Variants in CUBN observed in about 807,000 individuals in gnomAD.
CUBN encodes cubilin, also known as 460 kDa receptor.
Under a neutral mutation model 405.3 loss-of-function variants are expected in CUBN, and 282 were observed. The observed-to-expected ratio is 0.70, with a 90% CI of 0.63 to 0.77. The LOEUF is 0.77. CUBN is among the 30% of genes least tolerant of loss of function. CUBN has a pLI of 0.00. For synonymous variants in CUBN, 1,684 were observed against 1,617.0 expected (o/e 1.04, Z -0.99); for missense variants, 4,514 against 4,475.2 (o/e 1.01, Z -0.25).
chr10:16,918,287 G>T (rs1211709524), intron 45 of CUBN, among the ~76,000 whole-genome samples: 1 of 151,974 alleles, frequency 6.6e-6, no homozygotes, highest in African/African-American at 2.4e-5. Flanking sequence ...TCTTTTTGGG[G>T]TCCATATGAG....
chr10:16,957,762 A>G (rs1338909126), intron 31 of CUBN, among the ~76,000 whole-genome samples: 3 of 152,290 alleles, frequency 2.0e-5, no homozygotes, highest in Non-Finnish European at 4.4e-5. Flanking sequence ...AAGTATGTTG[A>G]ATATATCTGC....
At position 16,981,692 on chromosome 10, in the gene CUBN, T is replaced by A. The variant is rs527680757; in HGVS notation, c.4695+792A>T. Among the ~76,000 whole-genome samples, 4 of 152,154 alleles carry A rather than the reference T, an allele frequency of 2.6e-5. No individual in the cohort carries two copies. In the South Asian group the frequency reaches 8.3e-4, roughly 32 times the overall value. ...GATGAGGGACCAGCCAGTTCTAGGG[T>A]TCGTTCACCCCGGTTCCTGCATTCG... On this transcript the variant is annotated intron_variant, in intron 31 of 66. Coordinates refer to ENST00000377833, the MANE Select transcript of CUBN (RefSeq NM_001081.4).
chr10:16,902,769 G>T (rs1345969768), intron 51 of CUBN, among the ~76,000 whole-genome samples: 1 of 152,216 alleles, frequency 6.6e-6, no homozygotes, highest in African/African-American at 2.4e-5. Context: ...AGGAGTGAAA[G>T]TGAAAGAGTG....
intron 28 of CUBN, among the ~76,000 whole-genome samples, chr10:16,998,420 C>T (rs1311890867): frequency 1.3e-5 from 2 of 152,064 alleles, no homozygotes; most frequent in African/African-American, 4.8e-5. Flanking sequence ...AGCCATCAAT[C>T]AACAGAAGCT....
intron 8 of CUBN, among the ~76,000 whole-genome samples, chr10:17,112,862 T>C (rs925715751): frequency 2.0e-5 from 3 of 152,234 alleles, no homozygotes; most frequent in Non-Finnish European, 4.4e-5. Context: ...TAAGCTCAAG[T>C]TCTCATATTG....
intron 65 of CUBN, among the ~76,000 whole-genome samples, chr10:16,830,798 A>G (rs2603807): frequency 0.59 from 89,082 of 152,092 alleles, 27,464 homozygotes; most frequent in East Asian, 0.82. Context: ...AATAAATGTA[A>G]AATTTAAAGT....
chr10:16,886,237 G>A (rs1274102268), intron 56 of CUBN, among the ~76,000 whole-genome samples: 1 of 152,134 alleles, frequency 6.6e-6, no homozygotes, highest in East Asian at 1.9e-4. Context: ...AAGGCAGTGA[G>A]GTCATAGGAA....
chr10:16,952,249 CT>C, intron 33 of CUBN, 26 bp downstream of exon 33: 6 of 1,536,338 alleles, frequency 3.9e-6, no homozygotes, highest in African/African-American at 2.7e-5. Flanking sequence ...TCCTGTGTGC[CT>C]TTTCTTTTTC....
At chr10:16,911,779 A>G in intron 48 of CUBN, among the ~76,000 whole-genome samples, 1 of 152,224 alleles carries the variant, frequency 6.6e-6, no homozygotes, top group East Asian at 1.9e-4. Flanking sequence ...TTAGTAATAC[A>G]TGAGTAGAAT....
At chr10:17,000,939 G>A (rs45465994) in intron 28 of CUBN, among the ~76,000 whole-genome samples, 16,181 of 152,182 alleles carry the variant, frequency 0.11, 1,166 homozygotes, top group Middle Eastern at 0.18. Context: ...ATGAAGCCAC[G>A]GACCTGAACA....
chr10:17,017,604 C>T (rs1355932103), intron 28 of CUBN, among the ~76,000 whole-genome samples: 1 of 152,136 alleles, frequency 6.6e-6, no homozygotes, highest in Non-Finnish European at 1.5e-5. Context: ...CTACCCATAT[C>T]CTAGCTTCAG....
Position 17,044,991 on chromosome 10 carries a change from GAAACATT to G in CUBN, c.3672+9_3672+15del, listed in dbSNP as rs1407825153. 6.2e-7 allele frequency: 1 copy of G among 1,611,738 alleles called. No homozygotes were observed. The highest frequency in any genetic ancestry group is 8.5e-7 in the Non-Finnish European group (1 of 1,178,036). ...GATGGGAGCAGGGAACAATATGATGGAAACATTATACATACAGCCAGGTAATCTAAAG... is the reference window on the plus strand; with the variant it reads ...GATGGGAGCAGGGAACAATATGATGGATACATACAGCCAGGTAATCTAAAG... On this transcript the variant is annotated intron_variant, in intron 25 of 66. Coordinates refer to ENST00000377833, the MANE Select transcript of CUBN (RefSeq NM_001081.4).
rs1194306754 is a variant in CUBN at position 16,939,085 on chromosome 10, T to A, written c.5611A>T (p.Asn1871Tyr). The change falls in exon 38 of 67, where the codon AAC (asparagine) becomes TAC (tyrosine). Residue 1871 changes from asparagine (N) to tyrosine (Y), a missense_variant. Physicochemically the swap from Asn to Tyr is moderately radical, Grantham distance 143. Transcript: ENST00000377833. ...GKVASPFWPE[N>Y]YPHNSNYQWT... is the part of the protein sequence containing the mutation. ...TGGTAATTGGAGTTATGTGGGTAGT[T>A]TTCAGGCCAGAAAGGAGAGGCGACT... 6.2e-7 allele frequency: 1 copy of A among 1,613,962 alleles called. No homozygotes were observed. The highest frequency in any genetic ancestry group is 1.1e-5 in the South Asian group (1 of 91,074).
intron 48 of CUBN, among the ~76,000 whole-genome samples, chr10:16,913,590 C>T (rs781275291): frequency 2.6e-4 from 39 of 152,174 alleles, no homozygotes; most frequent in Non-Finnish European, 5.4e-4. Flanking sequence ...TATTCTATGA[C>T]CCTGATGCAC....
chr10:17,058,227 T>C (rs1402057736), intron 22 of CUBN, among the ~76,000 whole-genome samples: 1 of 151,994 alleles, frequency 6.6e-6, no homozygotes, highest in African/African-American at 2.4e-5. Context: ...CAGGTGTGTG[T>C]TTGCTGACAT....
intron 14 of CUBN, among the ~76,000 whole-genome samples, chr10:17,094,991 C>A (rs1043381455): frequency 6.6e-6 from 1 of 151,904 alleles, no homozygotes; most frequent in African/African-American, 2.4e-5. Flanking sequence ...AAATACACTA[C>A]TTGATTTTAA....
rs976558277 is a variant in CUBN, at chr10:17,071,569, G to A, written c.2482C>T (p.Arg828Cys). 9.7e-5 allele frequency: 157 copies of A among 1,613,574 alleles called. 1 individual carries two copies. In the East Asian group the frequency reaches 3.1e-3, roughly 32 times the overall value. ...TACACGTTAGGAAAAAAAGGCGAGC[G>A]AATGACCCCTTCTCCAGTTAATTCA... ...GDELTGEGVI[R>C]SPFFPNVYPG... Residue 828 changes from arginine to cysteine, a missense_variant, in exon 19 of 67, where the codon CGC becomes TGC. Around this residue, in one of 5 missense-constraint regions of CUBN, gnomAD observed 1,448 missense variants for 1,388.0 expected, o/e 1.04. Coordinates refer to ENST00000377833, the MANE Select transcript of CUBN (RefSeq NM_001081.4).
chr10:17,065,137 C>A lies in CUBN; in HGVS notation c.3139+371G>T, dbSNP rs1014607322. Among the ~76,000 whole-genome samples the A allele has an allele frequency of 5.6e-5, 8 of 141,900 alleles. No homozygotes were observed. In the South Asian group the frequency reaches 1.8e-3, roughly 31 times the overall value. The allele number at this position is 141,900 out of a possible 152,430, so 93.1% of individuals were successfully genotyped here. A position where few individuals can be genotyped will look rare whatever the true frequency, so the allele number is the denominator to read the frequency against. ...TCATTTCTCTCTCTCTCTCCCCCCC[C>A]CCCCACACACACATGCACAGACACA... On this transcript the variant is annotated intron_variant, in intron 22 of 66. Coordinates refer to ENST00000377833, the MANE Select transcript of CUBN (RefSeq NM_001081.4).
At chr10:17,020,075 G>T in intron 27 of CUBN, 92 bp from the exon 28 acceptor site, 1 of 1,442,530 alleles carries the variant, frequency 6.9e-7, no homozygotes, top group Non-Finnish European at 9.7e-7. Flanking sequence ...GCTGTTCCTT[G>T]GTTCAAAAGT....
Sources: gnomAD v4.1 joint callset for allele counts (sites outside exome capture counted in the v4.1 genomes callset) on GRCh38, gnomAD v4.1.1 for gene constraint, gnomAD v4.1.1 regional missense constraint, MANE v1.5 for transcripts, NCBI Gene and HGNC (gene_info 2026-07-23, HGNC 2026-07-21) for gene names.